PPM1L: variants seen among roughly 807,000 people sequenced by gnomAD.
The protein encoded by PPM1L is protein phosphatase, Mg2+/Mn2+ dependent 1L.
Under a neutral mutation model 31.4 loss-of-function variants are expected in PPM1L, and 13 were observed. The ratio of observed to expected loss-of-function variants is 0.41; its 90% CI spans 0.27 to 0.66. PPM1L has a LOEUF of 0.66. Ranked by LOEUF, PPM1L falls within the 30% of genes least tolerant of loss-of-function variation. The pLI, the probability that PPM1L is intolerant of heterozygous loss-of-function variation, is 0.29. For missense variants in PPM1L, 326 were observed against 453.7 expected (o/e 0.72, Z 2.56); for synonymous variants, 184 against 175.4 (o/e 1.05, Z -0.39).
At chr3:160,758,276 T>A (rs1714871112) in intron 1 of PPM1L, among the ~76,000 whole-genome samples, 1 of 152,218 alleles carries the variant, frequency 6.6e-6, no homozygotes, top group Non-Finnish European at 1.5e-5. Flanking sequence ...AATGACAAAG[T>A]TGCCAGTATA....
chr3:160,761,949 C>T (rs911139389), intron 1 of PPM1L, among the ~76,000 whole-genome samples: 6 of 152,216 alleles, frequency 3.9e-5, no homozygotes, highest in Admixed American at 3.3e-4. Context: ...AATTACCTCT[C>T]ACTGGGTCCC....
intron 2 of PPM1L, among the ~76,000 whole-genome samples, chr3:161,038,596 A>T (rs1718818590): frequency 1.4e-5 from 2 of 147,312 alleles, no homozygotes; most frequent in African/African-American, 5.2e-5. Flanking sequence ...AAAAAAAAAA[A>T]AAAAAAAAAA....
intron 1 of PPM1L, among the ~76,000 whole-genome samples, chr3:160,846,806 T>C (rs1315555134): frequency 6.6e-6 from 1 of 152,170 alleles, no homozygotes; most frequent in Non-Finnish European, 1.5e-5. Context: ...GTTCACAAAG[T>C]TGTGCAACTG....
In PPM1L at chr3:160,757,540, G is replaced by T. The variant is rs188300587; in HGVS notation, c.399+833G>T. 2.2e-4 allele frequency among the ~76,000 whole-genome samples: 33 copies of T among 152,350 alleles called. 1 individual carries two copies. The East Asian group carries it at 5.6e-3, about 26-fold the overall frequency. ...CCTCTCCCACATTTCTGTGGCACCC[G>T]GGTTGTGCGCTGAGGCCCAGGTTTC... is the stretch of plus-strand genomic sequence containing the variant. On this transcript the variant is annotated intron_variant, in intron 1 of 3. Coordinates refer to ENST00000498165, the MANE Select transcript of PPM1L (RefSeq NM_139245.4).
At chr3:160,914,244 A>AT (rs1448449284) in intron 1 of PPM1L, among the ~76,000 whole-genome samples, 4 of 151,788 alleles carry the variant, frequency 2.6e-5, no homozygotes, top group Admixed American at 6.6e-5. Context: ...CAAATCTTTG[A>AT]TTTTTTTTAC....
chr3:160,846,779 G>C (rs1188446990), intron 1 of PPM1L, among the ~76,000 whole-genome samples: 1 of 152,092 alleles, frequency 6.6e-6, no homozygotes. Context: ...GTACAAGTTA[G>C]TGCTTCTTTT....
intron 1 of PPM1L, among the ~76,000 whole-genome samples, chr3:160,956,489 T>C (rs975156809): frequency 6.6e-6 from 1 of 152,268 alleles, no homozygotes; most frequent in Non-Finnish European, 1.5e-5. Context: ...AGGCAACCTT[T>C]AATTCAGGTG....
At chr3:160,882,903 T>C (rs956297434) in intron 1 of PPM1L, among the ~76,000 whole-genome samples, 1 of 152,176 alleles carries the variant, frequency 6.6e-6, no homozygotes, top group African/African-American at 2.4e-5. Flanking sequence ...ACTTTTTGGG[T>C]TTTAGTCTTC....
intron 1 of PPM1L, among the ~76,000 whole-genome samples, chr3:160,942,561 T>C (rs981463700): frequency 6.6e-6 from 1 of 152,272 alleles, no homozygotes; most frequent in Non-Finnish European, 1.5e-5. Flanking sequence ...TCCATGACAC[T>C]GAGTTTTTTA....
chr3:160,867,151 T>C (rs1266200620), intron 1 of PPM1L, among the ~76,000 whole-genome samples: 3 of 152,188 alleles, frequency 2.0e-5, no homozygotes, highest in Non-Finnish European at 4.4e-5. Flanking sequence ...CTTACAACTT[T>C]TAAAAGAACT....
At chr3:161,050,099 T>G (rs1047679654) in intron 2 of PPM1L, among the ~76,000 whole-genome samples, 46 of 152,338 alleles carry the variant, frequency 3.0e-4, no homozygotes, top group Admixed American at 3.3e-4. Context: ...AAGCCTCCCA[T>G]GATGAGTCTA....
chr3:160,808,386 T>TGTGTGTGTGTGTGTGTGCGCGCGCGCGC (rs1712691302), intron 1 of PPM1L, among the ~76,000 whole-genome samples: 3 of 47,028 alleles, frequency 6.4e-5, no homozygotes, highest in African/African-American at 3.1e-4. Context: ...GATTTTCCTG[T>TGTGTGTGTGTGTGTGTGCGCGCGCGCGC]GTGTGTGTGT....
At chr3:160,855,597 G>A (rs762893403) in intron 1 of PPM1L, among the ~76,000 whole-genome samples, 3 of 152,018 alleles carry the variant, frequency 2.0e-5, no homozygotes, top group African/African-American at 2.4e-5. Flanking sequence ...ACCAATGCAC[G>A]GCCAACAAGC....
At chr3:161,028,558 G>A (rs1718473170) in intron 2 of PPM1L, among the ~76,000 whole-genome samples, 1 of 152,124 alleles carries the variant, frequency 6.6e-6, no homozygotes, top group Admixed American at 6.5e-5. Context: ...AAAGGGAAAG[G>A]ACCCAGACAT....
At chr3:160,980,874 C>T (rs1441021620) in intron 2 of PPM1L, among the ~76,000 whole-genome samples, 1 of 152,078 alleles carries the variant, frequency 6.6e-6, no homozygotes, top group African/African-American at 2.4e-5. Flanking sequence ...GCAGTAAACA[C>T]TCTACCAATG....
chr3:160,998,479 C>T (rs939478091), intron 2 of PPM1L, among the ~76,000 whole-genome samples: 4 of 152,170 alleles, frequency 2.6e-5, no homozygotes, highest in Non-Finnish European at 4.4e-5. Flanking sequence ...CTCTTCCCTC[C>T]CTTTTTTTTC....
intron 1 of PPM1L, among the ~76,000 whole-genome samples, chr3:160,888,826 A>G (rs1713028381): frequency 6.6e-6 from 1 of 152,222 alleles, no homozygotes. Context: ...ACCACAGACC[A>G]CAGTGCAGTT....
chr3:160,775,265 C>A (rs75869997), intron 1 of PPM1L, among the ~76,000 whole-genome samples: 1 of 152,254 alleles, frequency 6.6e-6, no homozygotes, highest in East Asian at 1.9e-4. Context: ...TGTTCCAGTC[C>A]CATGCTCTCC....
intron 3 of PPM1L, among the ~76,000 whole-genome samples, chr3:161,067,194 C>T (rs1249514255): frequency 1.3e-5 from 2 of 152,186 alleles, no homozygotes; most frequent in African/African-American, 4.8e-5. Flanking sequence ...TTTGAAATAT[C>T]ATGGCCATTT....
Sources: allele counts gnomAD v4.1 joint callset (sites outside exome capture counted in the v4.1 genomes callset), GRCh38; gene constraint gnomAD v4.1.1; transcripts MANE v1.5; gene names NCBI Gene and HGNC (gene_info 2026-07-23, HGNC 2026-07-21).